The following IL15 variants were observed in gnomAD, a reference collection of about 807,000 sequenced individuals.
The protein encoded by IL15 is interleukin-15.
IL15 carries 11 observed loss-of-function variants against 19.6 expected under a neutral mutation model. That is an observed-to-expected ratio of 0.56 (90% CI 0.35 to 0.93). IL15 has a LOEUF of 0.93. Ranked by LOEUF, IL15 falls within the 40% of genes least tolerant of loss-of-function variation. The pLI is 0.01. For synonymous variants in IL15, 58 were observed against 59.6 expected (o/e 0.97, Z 0.12); for missense variants, 197 against 186.5 (o/e 1.06, Z -0.33).
At chr4:141,710,036 A>G (rs1044498131) in intron 2 of IL15, among the ~76,000 whole-genome samples, 1 of 152,138 alleles carries the variant, frequency 6.6e-6, no homozygotes, top group African/African-American at 2.4e-5. Context: ...TATTTTGCCT[A>G]TGATAATGGC....
intron 2 of IL15, among the ~76,000 whole-genome samples, chr4:141,666,641 GC>G (rs543505414): frequency 4.5e-4 from 68 of 151,794 alleles, no homozygotes; most frequent in African/African-American, 1.6e-3. Context: ...ACCCCACCTG[GC>G]CCTTCTGCTT....
chr4:141,637,632 AT>A (rs1373385757), intron 1 of IL15, among the ~76,000 whole-genome samples: 1 of 152,218 alleles, frequency 6.6e-6, no homozygotes, highest in East Asian at 1.9e-4. Flanking sequence ...AATTCCATGC[AT>A]TAAAAACTAT....
chr4:141,697,158 C>A (rs1191340239), intron 2 of IL15, among the ~76,000 whole-genome samples: 1 of 152,054 alleles, frequency 6.6e-6, no homozygotes, highest in Non-Finnish European at 1.5e-5. Context: ...AGATTTAAGT[C>A]TTTGATCCAT....
rs992397124 is a variant in IL15, at chr4:141,638,135, G to A, written c.-222+1387G>A. On this transcript the variant is annotated intron_variant, in intron 1 of 7. Coordinates refer to ENST00000320650, the MANE Select transcript of IL15 (RefSeq NM_000585.5). Reference sequence around the variant, plus strand: ...AAATTTTTAAACTCCTGTTGTTTTCGTGTGAAGTAATGTGGCCAACAGAGC... The same window carrying A: ...AAATTTTTAAACTCCTGTTGTTTTCATGTGAAGTAATGTGGCCAACAGAGC... 2.0e-5 allele frequency among the ~76,000 whole-genome samples: 3 copies of A among 152,094 alleles called. No individual in the cohort carries two copies. The East Asian group carries it at 5.8e-4, about 29-fold the overall frequency.
intron 2 of IL15, among the ~76,000 whole-genome samples, chr4:141,686,077 A>G (rs1388021839): frequency 6.6e-6 from 1 of 151,988 alleles, no homozygotes; most frequent in African/African-American, 2.4e-5. Flanking sequence ...CGGGCAGATT[A>G]CAAGGTCAGG....
chr4:141,709,232 T>C (rs1164881694), intron 2 of IL15, among the ~76,000 whole-genome samples: 1 of 152,116 alleles, frequency 6.6e-6, no homozygotes, highest in Non-Finnish European at 1.5e-5. Flanking sequence ...TTATTTTAGA[T>C]CTAGGACATA....
intron 7 of IL15, among the ~76,000 whole-genome samples, chr4:141,732,510 C>A (rs908992449): frequency 6.6e-6 from 1 of 152,194 alleles, no homozygotes; most frequent in Admixed American, 6.5e-5. Context: ...CTGATAGACA[C>A]AGCTTATTTT....
chr4:141,646,198 C>A (rs1727219324), intron 1 of IL15, among the ~76,000 whole-genome samples: 2 of 152,000 alleles, frequency 1.3e-5, no homozygotes, highest in South Asian at 4.1e-4. Flanking sequence ...GGTTATGCTA[C>A]TCCTCTATTC....
intron 1 of IL15, among the ~76,000 whole-genome samples, chr4:141,641,842 T>TAA (rs921435170): frequency 2.1e-5 from 3 of 142,000 alleles, no homozygotes; most frequent in African/African-American, 7.7e-5. Context: ...AAGTATAATT[T>TAA]AAAAAAAAAA....
intron 2 of IL15, among the ~76,000 whole-genome samples, chr4:141,698,674 G>A (rs993579950): frequency 3.3e-5 from 5 of 151,968 alleles, no homozygotes; most frequent in African/African-American, 1.2e-4. Flanking sequence ...TGTGGTATTG[G>A]TTGTAATATC....
chr4:141,696,937 A>T (rs924031086), intron 2 of IL15, among the ~76,000 whole-genome samples: 3 of 152,110 alleles, frequency 2.0e-5, no homozygotes, highest in Middle Eastern at 3.4e-3. Context: ...ATAGTTTGCA[A>T]ATATTTTCTC....
intron 7 of IL15, among the ~76,000 whole-genome samples, chr4:141,730,988 G>C (rs989891371): frequency 6.6e-6 from 1 of 152,150 alleles, no homozygotes; most frequent in Non-Finnish European, 1.5e-5. Flanking sequence ...CAGGGTAGGG[G>C]CACTGGGGCT....
Position 141,642,436 on chromosome 4 carries a change from T to C in IL15, c.-222+5688T>C, listed in dbSNP as rs780436810. 2.6e-5 allele frequency among the ~76,000 whole-genome samples: 4 copies of C among 152,278 alleles called. No individual in the cohort carries two copies. The South Asian group carries it at 8.3e-4, about 32-fold the overall frequency. On this transcript the variant is annotated intron_variant, in intron 1 of 7. Coordinates refer to ENST00000320650, the MANE Select transcript of IL15 (RefSeq NM_000585.5). ...GTGCGTGTTGTTCAGTTGGGATATA[T>C]AGTTCAGCCTTCTTTCCCACACCCT...
intron 1 of IL15, among the ~76,000 whole-genome samples, chr4:141,642,538 G>T (rs1380154107): frequency 6.6e-6 from 1 of 152,174 alleles, no homozygotes; most frequent in Non-Finnish European, 1.5e-5. Flanking sequence ...GCAGTAAAGA[G>T]CCTGGGCTAG....
chr4:141,642,236 A>G (rs1324671057), intron 1 of IL15, among the ~76,000 whole-genome samples: 1 of 152,064 alleles, frequency 6.6e-6, no homozygotes, highest in Non-Finnish European at 1.5e-5. Context: ...GAGAAGGGTA[A>G]TTATGAAAGA....
intron 4 of IL15, chr4:141,720,855 A>G (rs1175740031): frequency 2.1e-5 from 11 of 536,286 alleles, no homozygotes; most frequent in Non-Finnish European, 3.3e-5. Context: ...GATAGACTAC[A>G]TATTTTTCAT....
intron 2 of IL15, among the ~76,000 whole-genome samples, chr4:141,673,898 T>C (rs1391157946): frequency 2.0e-5 from 3 of 152,246 alleles, no homozygotes; most frequent in Non-Finnish European, 4.4e-5. Context: ...TCAACCCATA[T>C]TTGTACTTTG....
At chr4:141,696,352 G>A (rs541721408) in intron 2 of IL15, among the ~76,000 whole-genome samples, 1 of 152,036 alleles carries the variant, frequency 6.6e-6, no homozygotes, top group African/African-American at 2.4e-5. Context: ...GCATATTTCA[G>A]GTAGTATGAA....
At position 141,656,189 on chromosome 4, in the gene IL15, C is replaced by T; in HGVS notation, c.-218C>T. ...TCCGTACCTTTGACTCTTACAGAAT[C>T]CATTCCAATATATGGCCATGTGGCT... On this transcript the variant is annotated 5_prime_UTR_variant, in exon 2 of 8. Coordinates refer to ENST00000320650, the MANE Select transcript of IL15 (RefSeq NM_000585.5). 1 of 398,346 alleles carries T rather than the reference C, an allele frequency of 2.5e-6. No individual in the cohort carries two copies. The highest frequency in any genetic ancestry group is 2.1e-5 in the African/African-American group (1 of 48,708). The allele number at this position is 398,346 out of a possible 1,614,324, so 24.7% of individuals were successfully genotyped here.
Sources: allele counts gnomAD v4.1 joint callset (sites outside exome capture counted in the v4.1 genomes callset), GRCh38; gene constraint gnomAD v4.1.1; transcripts MANE v1.5; gene names NCBI Gene and HGNC (gene_info 2026-07-23, HGNC 2026-07-21).